The following SNTG2 variants were observed in gnomAD, a reference collection of about 807,000 sequenced individuals.
The protein encoded by SNTG2 is syntrophin gamma 2.
In SNTG2, 74 loss-of-function variants were observed where a neutral mutation model predicts 70.9. That is an observed-to-expected ratio of 1.04 (90% CI 0.86 to 1.27). SNTG2 has a LOEUF of 1.27. Ranked by LOEUF, SNTG2 falls within the 50% of genes most tolerant of loss-of-function variation. SNTG2 has a pLI of 0.00. For missense variants in SNTG2, 717 were observed against 690.7 expected (o/e 1.04, Z -0.43); for synonymous variants, 278 against 273.8 (o/e 1.02, Z -0.15).
chr2:1,356,456 G>A (rs1005992434), intron 16 of SNTG2, among the ~76,000 whole-genome samples: 1 of 152,142 alleles, frequency 6.6e-6, no homozygotes, highest in African/African-American at 2.4e-5. Flanking sequence ...TTTCCCCACT[G>A]TATAGCGTTA....
At chr2:1,207,531 C>T (rs1673715324) in intron 8 of SNTG2, among the ~76,000 whole-genome samples, 1 of 152,116 alleles carries the variant, frequency 6.6e-6, no homozygotes, top group South Asian at 2.1e-4. Context: ...GAGGGAGAGG[C>T]CTTTCATCTA....
At chr2:983,643 A>G (rs574732995) in intron 1 of SNTG2, among the ~76,000 whole-genome samples, 16 of 152,354 alleles carry the variant, frequency 1.1e-4, no homozygotes, top group African/African-American at 3.1e-4. Context: ...CCGTTGCCCC[A>G]GGATGAACTC....
intron 6 of SNTG2, among the ~76,000 whole-genome samples, chr2:1,162,020 G>A (rs1670333721): frequency 7.8e-6 from 1 of 127,742 alleles, no homozygotes; most frequent in East Asian, 2.5e-4. Context: ...CTTGCAGTGG[G>A]CCCAGATGGC....
intron 1 of SNTG2, among the ~76,000 whole-genome samples, chr2:965,601 G>A (rs557933145): frequency 4.6e-5 from 7 of 151,550 alleles, no homozygotes; most frequent in East Asian, 4.0e-4. Flanking sequence ...CTCCTCCTCC[G>A]TTGCCCCTGG....
chr2:1,296,621 A>C (rs190443521), intron 14 of SNTG2, among the ~76,000 whole-genome samples: 12 of 152,316 alleles, frequency 7.9e-5, no homozygotes, highest in African/African-American at 2.4e-4. Context: ...CAGGGACCTC[A>C]AGGCATCTCC....
chr2:1,321,727 C>A (rs1681532559), intron 16 of SNTG2, among the ~76,000 whole-genome samples: 1 of 152,190 alleles, frequency 6.6e-6, no homozygotes, highest in South Asian at 2.1e-4. Context: ...TGTTCTCATG[C>A]AGACGGATAT....
At chr2:1,125,764 T>C (rs539780799) in intron 4 of SNTG2, among the ~76,000 whole-genome samples, 19 of 152,178 alleles carry the variant, frequency 1.2e-4, no homozygotes, top group Admixed American at 2.0e-4. Context: ...AGTAACACAT[T>C]AGATCAGTTA....
intron 4 of SNTG2, among the ~76,000 whole-genome samples, chr2:1,104,178 C>T (rs1483589695): frequency 2.0e-5 from 3 of 152,156 alleles, no homozygotes; most frequent in Non-Finnish European, 4.4e-5. Flanking sequence ...GGTCATCGTC[C>T]GGTGCTGCCC....
At chr2:1,367,267 C>T in intron 16 of SNTG2, 76 bp from the exon 17 acceptor site, 3 of 1,416,984 alleles carry the variant, frequency 2.1e-6, no homozygotes, top group Non-Finnish European at 2.8e-6. Flanking sequence ...TCACAAGGTC[C>T]AAACTTTGTT....
At chr2:1,139,728 C>T in intron 6 of SNTG2, among the ~76,000 whole-genome samples, 1 of 150,062 alleles carries the variant, frequency 6.7e-6, no homozygotes, top group Admixed American at 6.7e-5. Context: ...ACTTAGGAGG[C>T]TGAGGTGGGA....
At chr2:1,246,390 C>A (rs1293108152) in intron 11 of SNTG2, among the ~76,000 whole-genome samples, 1 of 152,110 alleles carries the variant, frequency 6.6e-6, no homozygotes, top group Non-Finnish European at 1.5e-5. Context: ...CAGGATGCGC[C>A]CATCCTGGAG....
intron 4 of SNTG2, among the ~76,000 whole-genome samples, chr2:1,124,948 CACAAA>C (rs1419502584): frequency 2.6e-5 from 4 of 152,166 alleles, no homozygotes; most frequent in South Asian, 2.1e-4. Flanking sequence ...TCTTGACACA[CACAAA>C]ACAAAACAAA....
At chr2:1,271,802 A>G (rs1448612189) in intron 14 of SNTG2, among the ~76,000 whole-genome samples, 1 of 152,146 alleles carries the variant, frequency 6.6e-6, no homozygotes, top group African/African-American at 2.4e-5. Context: ...ATCAGACCAA[A>G]GTACTCGTCT....
At chr2:1,302,762 A>C (rs571956781) in intron 14 of SNTG2, among the ~76,000 whole-genome samples, 8 of 152,324 alleles carry the variant, frequency 5.3e-5, no homozygotes, top group African/African-American at 1.9e-4. Context: ...TTCAAAGGTA[A>C]CCATGTAGAT....
chr2:975,021 A>G (rs559071763), intron 1 of SNTG2, among the ~76,000 whole-genome samples: 1 of 152,300 alleles, frequency 6.6e-6, no homozygotes, highest in African/African-American at 2.4e-5. Context: ...AAACATACAC[A>G]TGGATATCAC....
intron 1 of SNTG2, among the ~76,000 whole-genome samples, chr2:988,507 C>T (rs1014089879): frequency 2.0e-5 from 3 of 152,126 alleles, no homozygotes; most frequent in African/African-American, 7.2e-5. Flanking sequence ...CGTGAGGATG[C>T]GGGGTCAATA....
chr2:1,073,462 G>C (rs1225189568), intron 1 of SNTG2, among the ~76,000 whole-genome samples: 1 of 152,108 alleles, frequency 6.6e-6, no homozygotes, highest in Non-Finnish European at 1.5e-5. Context: ...TTTAATTAAG[G>C]TATATACATT....
chr2:1,164,538 G>A (rs1441779437), intron 6 of SNTG2, among the ~76,000 whole-genome samples: 1 of 133,746 alleles, frequency 7.5e-6, no homozygotes, highest in East Asian at 2.3e-4. Context: ...ACTGTGGGCA[G>A]TCTCTGTGTA....
intron 1 of SNTG2, among the ~76,000 whole-genome samples, chr2:966,559 A>G (rs1660575714): frequency 6.6e-6 from 1 of 152,240 alleles, no homozygotes; most frequent in Admixed American, 6.5e-5. Context: ...TTCTGACTAT[A>G]AGGAAATTTT....
Sources: gnomAD v4.1 joint callset for allele counts (sites outside exome capture counted in the v4.1 genomes callset) on GRCh38, gnomAD v4.1.1 for gene constraint, MANE v1.5 for transcripts, NCBI Gene and HGNC (gene_info 2026-07-23, HGNC 2026-07-21) for gene names.